Variants in NCKAP5 observed in about 807,000 individuals in gnomAD.
NCKAP5 encodes nck-associated protein 5.
NCKAP5 carries 92 observed loss-of-function variants against 167.0 expected under a neutral mutation model. The ratio of observed to expected loss-of-function variants is 0.55; its 90% CI spans 0.47 to 0.66. NCKAP5 has a LOEUF of 0.66. NCKAP5 is among the 30% of genes least tolerant of loss of function. NCKAP5 has a pLI of 0.00. For synonymous variants in NCKAP5, 891 were observed against 877.4 expected, an observed-to-expected ratio of 1.02 and a Z score of -0.27; for missense variants, 2,378 against 2,315.0, an observed-to-expected ratio of 1.03 and a Z score of -0.56.
intron 7 of NCKAP5, among the ~76,000 whole-genome samples, chr2:132,975,582 G>C (rs1403327868): frequency 6.6e-6 from 1 of 152,178 alleles, no homozygotes; most frequent in Non-Finnish European, 1.5e-5. Flanking sequence ...GGTGTGAAAA[G>C]TTCCCCTAGA....
chr2:132,920,429 T>A (rs1473596625), intron 8 of NCKAP5, among the ~76,000 whole-genome samples: 2 of 151,530 alleles, frequency 1.3e-5, no homozygotes, highest in Non-Finnish European at 1.5e-5. Context: ...GGTTACAGCA[T>A]CATGTAAAAA....
At chr2:133,227,456 T>C in intron 4 of NCKAP5, among the ~76,000 whole-genome samples, 1 of 152,204 alleles carries the variant, frequency 6.6e-6, no homozygotes, top group South Asian at 2.1e-4. Context: ...GGCTGCCCCA[T>C]TATTGGAGCA....
chr2:133,671,362 G>T, the NCKAP5 span, among the ~76,000 whole-genome samples: 1 of 152,000 alleles, frequency 6.6e-6, no homozygotes, highest in African/African-American at 2.4e-5. Flanking sequence ...AACTCATATC[G>T]AAATAAACTC....
chr2:133,581,396 GTTC>G, the NCKAP5 span, among the ~76,000 whole-genome samples: 2 of 152,114 alleles, frequency 1.3e-5, no homozygotes, highest in Non-Finnish European at 1.5e-5. Context: ...AAGTCCCACT[GTTC>G]TTCTTGGTGG....
At chr2:133,466,601 A>T (rs1287076226) in intron 3 of NCKAP5, among the ~76,000 whole-genome samples, 2 of 152,186 alleles carry the variant, frequency 1.3e-5, no homozygotes, top group Admixed American at 6.5e-5. Flanking sequence ...TACCTTGGGC[A>T]GTATGGCCAT....
rs139467090 is a variant in NCKAP5 at position 132,998,419 on chromosome 2, T to C, written c.342-4180A>G. Reference sequence around the variant, plus strand: ...GGTAAACACTCTTCTGGCACTACTTTATGATTAATCAAAACCAATTACATT... The same window carrying C: ...GGTAAACACTCTTCTGGCACTACTTCATGATTAATCAAAACCAATTACATT... On this transcript the variant is annotated intron_variant, in intron 6 of 19. Transcript: ENST00000409261. Among the ~76,000 whole-genome samples the C allele has an allele frequency of 3.5e-3, 533 of 152,282 alleles. 1 individual carries two copies. Among genetic ancestry groups the C allele is most frequent in the African/African-American group, 0.012 (508 of 41,560 alleles).
chr2:133,122,846 C>T (rs2082290518), intron 6 of NCKAP5: 1 of 152,066 alleles, frequency 6.6e-6, no homozygotes, highest in Non-Finnish European at 1.5e-5. Flanking sequence ...ATTACTTCAC[C>T]CAATAAGTAA....
chr2:133,655,990 T>C, the NCKAP5 span, among the ~76,000 whole-genome samples: 1 of 152,232 alleles, frequency 6.6e-6, no homozygotes, highest in Non-Finnish European at 1.5e-5. Context: ...CTTCAATTGC[T>C]AGCTTTCCTC....
At chr2:133,061,505 C>T (rs1262142110) in intron 6 of NCKAP5, among the ~76,000 whole-genome samples, 2 of 152,248 alleles carry the variant, frequency 1.3e-5, no homozygotes, top group African/African-American at 2.4e-5. Flanking sequence ...CATGTACCAT[C>T]GAACCTAAAA....
chr2:133,102,148 T>C (rs573438767), intron 6 of NCKAP5, among the ~76,000 whole-genome samples: 1 of 152,294 alleles, frequency 6.6e-6, no homozygotes, highest in South Asian at 2.1e-4. Context: ...TTTTTTTTGT[T>C]TGTTTGCTTG....
chr2:133,061,577 C>G (rs1278484918), intron 6 of NCKAP5, among the ~76,000 whole-genome samples: 1 of 152,206 alleles, frequency 6.6e-6, no homozygotes, highest in African/African-American at 2.4e-5. Flanking sequence ...ACCCAAGTCA[C>G]AGAACCAGAT....
intron 3 of NCKAP5, among the ~76,000 whole-genome samples, chr2:133,478,526 C>T (rs1389855363): frequency 3.9e-5 from 6 of 152,192 alleles, no homozygotes; most frequent in African/African-American, 1.4e-4. Context: ...CCTGACACCT[C>T]GATAGGCAGG....
intron 3 of NCKAP5, among the ~76,000 whole-genome samples, chr2:133,376,939 T>C (rs1463520371): frequency 1.3e-5 from 2 of 152,186 alleles, no homozygotes; most frequent in Non-Finnish European, 2.9e-5. Flanking sequence ...CTTACAGCTC[T>C]GTAGAGAGGC....
intron 9 of NCKAP5, among the ~76,000 whole-genome samples, chr2:132,873,056 G>A (rs958429207): frequency 4.6e-5 from 7 of 152,194 alleles, no homozygotes; most frequent in South Asian, 4.1e-4. Context: ...GTTGAACTTC[G>A]GAAAATATAA....
intron 3 of NCKAP5, among the ~76,000 whole-genome samples, chr2:133,466,808 GT>G (rs1403013198): frequency 1.3e-5 from 2 of 148,234 alleles, no homozygotes; most frequent in Admixed American, 6.7e-5. Context: ...TTGGCTCTCT[GT>G]TTGTCTGTTG....
At position 132,860,681 on chromosome 2, in the gene NCKAP5, T is replaced by C; in HGVS notation, c.688-70A>G. 6 of 1,491,510 alleles carry C rather than the reference T, an allele frequency of 4.0e-6. No individual in the cohort carries two copies. The South Asian group carries it at 7.8e-5, about 19-fold the overall frequency. The allele number at this position is 1,491,510 out of a possible 1,614,324, so 92.4% of individuals were successfully genotyped here. A position where few individuals can be genotyped will look rare whatever the true frequency, so the allele number is the denominator to read the frequency against. ...ATGTCTTTGCATATTATAACCATATTTTATATATCTCAGATCATTAGTAAA... is the reference window on the plus strand; with the variant it reads ...ATGTCTTTGCATATTATAACCATATCTTATATATCTCAGATCATTAGTAAA... On this transcript the variant is annotated intron_variant, in intron 10 of 19. Coordinates refer to ENST00000409261, the MANE Select transcript of NCKAP5 (RefSeq NM_207363.3).
intron 3 of NCKAP5, among the ~76,000 whole-genome samples, chr2:133,393,869 A>T (rs751863492): frequency 2.6e-5 from 4 of 152,238 alleles, no homozygotes; most frequent in Non-Finnish European, 5.9e-5. Context: ...AATTAGTGTT[A>T]GGAAGGAATC....
At chr2:133,498,001 A>G (rs544898321) in intron 3 of NCKAP5, among the ~76,000 whole-genome samples, 16 of 152,328 alleles carry the variant, frequency 1.1e-4, no homozygotes, top group African/African-American at 3.8e-4. Flanking sequence ...CAGATATCCA[A>G]CAAGCCTTCT....
At chr2:132,875,225 T>A (rs929276718) in intron 9 of NCKAP5, among the ~76,000 whole-genome samples, 9 of 152,146 alleles carry the variant, frequency 5.9e-5, no homozygotes, top group African/African-American at 2.2e-4. Flanking sequence ...CAGCCAGCAG[T>A]ATTTTTAAAG....
Sources: gnomAD v4.1 joint callset for allele counts (sites outside exome capture counted in the v4.1 genomes callset) on GRCh38, gnomAD v4.1.1 for gene constraint, MANE v1.5 for transcripts, NCBI Gene and HGNC (gene_info 2026-07-23, HGNC 2026-07-21) for gene names.